Variants in KLHL1 observed in about 807,000 individuals in gnomAD.
KLHL1 encodes the protein kelch like family member 1.
KLHL1 carries 47 observed loss-of-function variants against 77.7 expected under a neutral mutation model. The ratio of observed to expected loss-of-function variants is 0.60; its 90% CI spans 0.48 to 0.77. The LOEUF is 0.77. Ranked by LOEUF, KLHL1 falls within the 30% of genes least tolerant of loss-of-function variation. The probability of loss-of-function intolerance (pLI) is 0.00; values close to 1 mark genes in which losing one functional copy is unlikely to be tolerated. For synonymous variants in KLHL1, 360 were observed against 325.2 expected (o/e 1.11, Z -1.15); for missense variants, 925 against 910.8 (o/e 1.02, Z -0.20).
At chr13:69,784,249 A>C (rs371193465) in intron 7 of KLHL1, among the ~76,000 whole-genome samples, 5 of 152,338 alleles carry the variant, frequency 3.3e-5, no homozygotes, top group Non-Finnish European at 5.9e-5. Context: ...TGTAAAGACC[A>C]TCAAGGCTAG....
At chr13:70,101,874 A>G (rs1016713729) in intron 1 of KLHL1, among the ~76,000 whole-genome samples, 1 of 152,110 alleles carries the variant, frequency 6.6e-6, no homozygotes, top group African/African-American at 2.4e-5. Context: ...AGCTTTCCCC[A>G]AATAAGGTAT....
At chr13:69,744,250 C>T (rs1457093948) in intron 7 of KLHL1, among the ~76,000 whole-genome samples, 2 of 151,902 alleles carry the variant, frequency 1.3e-5, no homozygotes, top group South Asian at 2.1e-4. Context: ...AAATCAGAAG[C>T]TTTTGGTATT....
chr13:69,925,441 TCTTTG>T (rs1882783879), intron 4 of KLHL1, among the ~76,000 whole-genome samples: 1 of 152,190 alleles, frequency 6.6e-6, no homozygotes, highest in Non-Finnish European at 1.5e-5. Flanking sequence ...AAATTGTAAT[TCTTTG>T]CTTTTTCTTG....
intron 4 of KLHL1, among the ~76,000 whole-genome samples, chr13:69,886,932 T>C (rs1023109829): frequency 4.6e-5 from 7 of 152,258 alleles, no homozygotes; most frequent in South Asian, 4.1e-4. Flanking sequence ...CCAGAGGATA[T>C]AGAATTTATT....
chr13:69,745,907 T>C (rs1874193853), intron 7 of KLHL1, among the ~76,000 whole-genome samples: 1 of 151,736 alleles, frequency 6.6e-6, no homozygotes, highest in South Asian at 2.1e-4. Context: ...ATACACAAAA[T>C]TTTTTAGATA....
Position 69,929,112 on chromosome 13 carries a change from C to T in KLHL1, c.1014+10928G>A, listed in dbSNP as rs9572310. On this transcript the variant is annotated intron_variant, in intron 4 of 10. Coordinates refer to ENST00000377844, the MANE Select transcript of KLHL1 (RefSeq NM_020866.3). Reference sequence around the variant, plus strand: ...GCATTTTATAAAATTTAAGATTTAACAAGATATTTGTAGAATCATAAGCTG... The same window carrying T: ...GCATTTTATAAAATTTAAGATTTAATAAGATATTTGTAGAATCATAAGCTG... Among the ~76,000 whole-genome samples, 42 of 122,330 alleles carry T rather than the reference C, an allele frequency of 3.4e-4. No homozygotes were observed. The East Asian group carries it at 8.6e-3, about 25-fold the overall frequency. The allele number at this position is 122,330 out of a possible 152,430, so 80.3% of individuals were successfully genotyped here.
In KLHL1 at chr13:69,997,781, A is replaced by G. The variant is rs867208579; in HGVS notation, c.498-21979T>C. 2.0e-5 allele frequency among the ~76,000 whole-genome samples: 3 copies of G among 148,184 alleles called. No homozygotes were observed. In the South Asian group the frequency reaches 6.3e-4, roughly 31 times the overall value. Reference sequence around the variant, plus strand: ...TAAATATATAAATGTATAATATAATATATAATATGTATTTTATATCTCACC... The same window carrying G: ...TAAATATATAAATGTATAATATAATGTATAATATGTATTTTATATCTCACC... On this transcript the variant is annotated intron_variant, in intron 1 of 10. Transcript: ENST00000377844.
At chr13:69,846,284 C>A (rs1879456717) in intron 5 of KLHL1, among the ~76,000 whole-genome samples, 1 of 151,526 alleles carries the variant, frequency 6.6e-6, no homozygotes. Flanking sequence ...CTCCTTATAA[C>A]CTTGTCAGTT....
intron 6 of KLHL1, among the ~76,000 whole-genome samples, chr13:69,822,911 G>A (rs1331998538): frequency 1.3e-5 from 2 of 151,950 alleles, no homozygotes; most frequent in Non-Finnish European, 2.9e-5. Flanking sequence ...AAATATACAT[G>A]TGCAATTCAG....
In KLHL1 at chr13:69,734,961, TGAA is replaced by T. The variant is rs1351213617; in HGVS notation, c.1802+5430_1802+5432del. The stretch of plus-strand genomic sequence containing the variant: ...GCTAAAATAAGATTTTATATCATAA[TGAA>T]GAATGTTGTGAAATCATTTATAAGC... On this transcript the variant is annotated intron_variant, in intron 8 of 10. Coordinates refer to ENST00000377844, the MANE Select transcript of KLHL1 (RefSeq NM_020866.3). Among the ~76,000 whole-genome samples, 13 of 152,206 alleles carry T rather than the reference TGAA, an allele frequency of 8.5e-5. No homozygotes were observed. In the East Asian group the frequency reaches 2.5e-3, roughly 29 times the overall value.
intron 3 of KLHL1, among the ~76,000 whole-genome samples, chr13:69,954,370 C>G (rs966709663): frequency 6.6e-6 from 1 of 151,200 alleles, no homozygotes; most frequent in Admixed American, 6.6e-5. Context: ...AAATACATAG[C>G]AGGTACCCTG....
chr13:70,077,834 T>G (rs1259218117), intron 1 of KLHL1, among the ~76,000 whole-genome samples: 2 of 152,066 alleles, frequency 1.3e-5, no homozygotes, highest in African/African-American at 4.8e-5. Context: ...AAAAATAATA[T>G]CTTATCCAAT....
chr13:69,952,189 A>T (rs1055005049), intron 3 of KLHL1, among the ~76,000 whole-genome samples: 5 of 151,406 alleles, frequency 3.3e-5, no homozygotes, highest in African/African-American at 1.2e-4. Context: ...GAATTAGTCA[A>T]ATTTGTCAGT....
At chr13:70,044,394 C>G (rs1311741802) in intron 1 of KLHL1, among the ~76,000 whole-genome samples, 2 of 152,116 alleles carry the variant, frequency 1.3e-5, no homozygotes, top group African/African-American at 4.8e-5. Flanking sequence ...TTTCTTATCA[C>G]CGTACATTGT....
chr13:70,000,886 C>A (rs1885270611), intron 1 of KLHL1, among the ~76,000 whole-genome samples: 6 of 141,328 alleles, frequency 4.2e-5, no homozygotes, highest in Middle Eastern at 4.9e-3. Flanking sequence ...ATAATAAGAT[C>A]AAATAAAATA....
chr13:69,990,879 C>G (rs1885011274), intron 1 of KLHL1, among the ~76,000 whole-genome samples: 1 of 151,852 alleles, frequency 6.6e-6, no homozygotes, highest in Admixed American at 6.6e-5. Flanking sequence ...ACGGTACATG[C>G]TCTAAAGTCA....
At chr13:70,052,829 G>A (rs1198782399) in intron 1 of KLHL1, among the ~76,000 whole-genome samples, 11 of 151,714 alleles carry the variant, frequency 7.3e-5, no homozygotes, top group Admixed American at 5.9e-4. Context: ...TGTTGAATAC[G>A]GAGAATATAA....
At chr13:69,953,398 C>T (rs575388357) in intron 3 of KLHL1, among the ~76,000 whole-genome samples, 95 of 151,132 alleles carry the variant, frequency 6.3e-4, no homozygotes, top group Non-Finnish European at 1.1e-3. Flanking sequence ...TTATGAGCAG[C>T]GCTGCCTCTC....
At position 69,908,402 on chromosome 13, in the gene KLHL1, CA is replaced by C. The variant is rs569664136; in HGVS notation, c.1015-25908del. On this transcript the variant is annotated intron_variant, in intron 4 of 10. Transcript: ENST00000377844. ...AGAAACGGTGTGAGAGAAGATTTGA[CA>C]AAAAAAGTTCCTGAAATAGTTATTC... 6.0e-5 allele frequency among the ~76,000 whole-genome samples: 9 copies of C among 150,982 alleles called. No individual in the cohort carries two copies. The South Asian group carries it at 6.3e-4, about 11-fold the overall frequency.
Sources: allele counts gnomAD v4.1 joint callset (sites outside exome capture counted in the v4.1 genomes callset), GRCh38; gene constraint gnomAD v4.1.1; transcripts MANE v1.5; gene names NCBI Gene and HGNC (gene_info 2026-07-23, HGNC 2026-07-21).